Variants in ITGA1 observed in about 807,000 individuals in gnomAD.
ITGA1 encodes integrin subunit alpha 1.
A neutral mutation model predicts 145.9 loss-of-function variants in ITGA1; 85 were observed. That is an observed-to-expected ratio of 0.58 (90% CI 0.49 to 0.70). The LOEUF is 0.70. ITGA1 is among the 30% of genes least tolerant of loss of function. ITGA1 has a pLI of 0.00. For missense variants in ITGA1, 1,351 were observed against 1,418.7 expected (o/e 0.95, Z 0.77); for synonymous variants, 520 against 495.3 (o/e 1.05, Z -0.66).
At chr5:52,889,726 G>A (rs950828822) in intron 8 of ITGA1, 1 of 152,414 alleles carries the variant, frequency 6.6e-6, no homozygotes, top group Non-Finnish European at 1.5e-5. Flanking sequence ...AAGGGTGCTT[G>A]AGGTCTGTTT....
chr5:52,925,341 G>T lies in ITGA1; in HGVS notation c.2467G>T (p.Ala823Ser). 1 of 1,613,970 alleles carries T rather than the reference G, an allele frequency of 6.2e-7. No homozygotes were observed. The highest frequency in any genetic ancestry group is 1.1e-5 in the South Asian group (1 of 91,084). Reference sequence around the variant, plus strand: ...TATCTCAGACCTCAGCCTGCATGTCGCCACCACTGAAAAGGACCTGCTGAT... The same window carrying T: ...TATCTCAGACCTCAGCCTGCATGTCTCCACCACTGAAAAGGACCTGCTGAT... ...KCISDLSLHVATTEKDLLIVR... is the reference protein window; with the variant it reads ...KCISDLSLHVSTTEKDLLIVR... The change falls in exon 19 of 29, where the codon GCC becomes TCC. Residue 823 changes from alanine (A) to serine (S), a missense_variant. By Grantham distance (99) the Ala-to-Ser change is moderately conservative. Transcript: ENST00000282588.
At chr5:52,811,004 A>G (rs529786910) in intron 1 of ITGA1, among the ~76,000 whole-genome samples, 1 of 152,374 alleles carries the variant, frequency 6.6e-6, no homozygotes, top group East Asian at 1.9e-4. Context: ...TGTGAGGATC[A>G]ATAAAGTAGC....
intron 8 of ITGA1, among the ~76,000 whole-genome samples, chr5:52,893,376 C>A (rs562714035): frequency 2.6e-5 from 4 of 152,126 alleles, no homozygotes; most frequent in African/African-American, 9.7e-5. Flanking sequence ...TACTTTTGAA[C>A]TGTCAGATTT....
In ITGA1 at chr5:52,955,886, A is replaced by C. The variant is rs1043646965; in HGVS notation, c.*3435A>C. 3 of 152,090 alleles carry C rather than the reference A, an allele frequency of 2.0e-5. No homozygotes were observed. Among genetic ancestry groups the C allele is most frequent in the Non-Finnish European group, 4.4e-5 (3 of 68,016 alleles). The allele number at this position is 152,090 out of a possible 1,614,324, so 9.4% of individuals were successfully genotyped here. A position where few individuals can be genotyped will look rare whatever the true frequency, so the allele number is the denominator to read the frequency against. ...GCTTGTAGTAAACAGATATTTTTAC[A>C]AAATTTGATGCTTCTGCAACCATAA... is the stretch of plus-strand genomic sequence containing the variant. On this transcript the variant is annotated 3_prime_UTR_variant, in exon 29 of 29. Transcript: ENST00000282588.
intron 1 of ITGA1, among the ~76,000 whole-genome samples, chr5:52,812,791 T>C (rs1748703132): frequency 4.3e-5 from 1 of 23,316 alleles, no homozygotes; most frequent in Admixed American, 2.9e-4. Flanking sequence ...TCTTATCGCT[T>C]TTTTTTTTTT....
chr5:52,950,758 C>A (rs1160271288), intron 28 of ITGA1, among the ~76,000 whole-genome samples: 1 of 152,070 alleles, frequency 6.6e-6, no homozygotes, highest in Non-Finnish European at 1.5e-5. Flanking sequence ...AGCCAAGGAG[C>A]ATTGTAAAGA....
intron 15 of ITGA1, 109 bp from the exon 16 acceptor site, chr5:52,918,623 A>G (rs938049901): frequency 3.2e-5 from 31 of 980,678 alleles, no homozygotes; most frequent in Non-Finnish European, 4.6e-5. Flanking sequence ...TGAGCGCTGT[A>G]TTATACATGA....
intron 3 of ITGA1, 139 bp downstream of exon 3, chr5:52,861,698 T>G: frequency 1.6e-6 from 1 of 612,234 alleles, no homozygotes; most frequent in Non-Finnish European, 2.9e-6. Flanking sequence ...TGACGAAACC[T>G]CATCTCTACA....
chr5:52,891,207 C>A (rs12522114), intron 8 of ITGA1, among the ~76,000 whole-genome samples: 36,344 of 149,824 alleles, frequency 0.24, 4,510 homozygotes, highest in South Asian at 0.34. Flanking sequence ...GCAGATATTT[C>A]TTCAATATAC....
At chr5:52,938,212 ACTT>A (rs924361619) in intron 24 of ITGA1, among the ~76,000 whole-genome samples, 36 of 152,272 alleles carry the variant, frequency 2.4e-4, no homozygotes, top group African/African-American at 7.0e-4. Context: ...CTATAAAGTG[ACTT>A]CTTAATTGTA....
chr5:52,919,288 C>G (rs1194462897), intron 16 of ITGA1, among the ~76,000 whole-genome samples: 2 of 152,122 alleles, frequency 1.3e-5, no homozygotes, highest in East Asian at 3.9e-4. Context: ...CTTCTCTTGC[C>G]CCCTCTTGGG....
chr5:52,790,001 T>C (rs982681550), intron 1 of ITGA1, among the ~76,000 whole-genome samples: 2 of 152,224 alleles, frequency 1.3e-5, no homozygotes, highest in Middle Eastern at 3.2e-3. Context: ...TTTATGCCCA[T>C]TTCGCAACAC....
At position 52,929,705 on chromosome 5, in the gene ITGA1, G is replaced by T; in HGVS notation, c.2771+4G>T. On this transcript the variant is annotated splice_donor_region_variant and intron_variant, in intron 21 of 28. Transcript: ENST00000282588. Reference sequence around the variant, plus strand: ...CCATTTATTTAAGTGCAACAAGGTTGGTTTACATGTGTATAAATGTATGTA... The same window carrying T: ...CCATTTATTTAAGTGCAACAAGGTTTGTTTACATGTGTATAAATGTATGTA... The T allele has an allele frequency of 6.5e-7, 1 of 1,528,318 alleles. No individual in the cohort carries two copies. Among genetic ancestry groups the T allele is most frequent in the Non-Finnish European group, 9.0e-7 (1 of 1,107,360 alleles). The allele number at this position is 1,528,318 out of a possible 1,614,324, so 94.7% of individuals were successfully genotyped here.
intron 12 of ITGA1, among the ~76,000 whole-genome samples, chr5:52,907,377 C>T (rs1579710900): frequency 6.6e-6 from 1 of 152,048 alleles, no homozygotes; most frequent in South Asian, 2.1e-4. Flanking sequence ...AGGAAGTTGA[C>T]AATAGTAAAA....
rs746739509 is a variant in ITGA1 at position 52,899,827 on chromosome 5, TA to T, written c.1309+1446del. 1.4e-4 allele frequency among the ~76,000 whole-genome samples: 21 copies of T among 152,322 alleles called. No homozygotes were observed. The South Asian group carries it at 2.3e-3, about 17-fold the overall frequency. On this transcript the variant is annotated intron_variant, in intron 11 of 28. Coordinates refer to ENST00000282588, the MANE Select transcript of ITGA1 (RefSeq NM_181501.2). ...AGAGATCCTATGGAGCATGTAGTCTTAATTTCCAATCAAGAAACTGAGAGAT... is the reference window on the plus strand; with the variant it reads ...AGAGATCCTATGGAGCATGTAGTCTTATTTCCAATCAAGAAACTGAGAGAT...
Position 52,803,798 on chromosome 5 carries a change from C to T in ITGA1, c.61+15384C>T, listed in dbSNP as rs191497678. The T allele has an allele frequency of 5.3e-5, 8 of 152,190 alleles. No individual in the cohort carries two copies. In the East Asian group the frequency reaches 1.4e-3, roughly 26 times the overall value. The allele number at this position is 152,190 out of a possible 1,614,324, so 9.4% of individuals were successfully genotyped here. A position where few individuals can be genotyped will look rare whatever the true frequency, so the allele number is the denominator to read the frequency against. ...TCTTTTGTAGACCTACTGAGACAGGCGCTACCTGTACCAACATCTCTAGAT... is the reference window on the plus strand; with the variant it reads ...TCTTTTGTAGACCTACTGAGACAGGTGCTACCTGTACCAACATCTCTAGAT... On this transcript the variant is annotated intron_variant, in intron 1 of 28. Transcript: ENST00000282588.
chr5:52,952,186 C>CA (rs541608561), intron 28 of ITGA1, among the ~76,000 whole-genome samples: 161 of 130,974 alleles, frequency 1.2e-3, no homozygotes, highest in African/African-American at 2.4e-3. Flanking sequence ...GAGACTGTCT[C>CA]AAAAAAAAAA....
At chr5:52,940,121 T>A (rs1227729394) in intron 26 of ITGA1, among the ~76,000 whole-genome samples, 177 bp downstream of exon 26, 1 of 152,208 alleles carries the variant, frequency 6.6e-6, no homozygotes, top group Non-Finnish European at 1.5e-5. Flanking sequence ...ATCTTCCTTG[T>A]CTGTTAAGAA....
chr5:52,849,036 A>G (rs943507150), intron 1 of ITGA1, among the ~76,000 whole-genome samples: 1 of 152,172 alleles, frequency 6.6e-6, no homozygotes, highest in Non-Finnish European at 1.5e-5. Flanking sequence ...CACAATAGAC[A>G]TACGTGTGCA....
Sources: allele counts gnomAD v4.1 joint callset (sites outside exome capture counted in the v4.1 genomes callset), GRCh38; gene constraint gnomAD v4.1.1; transcripts MANE v1.5; gene names NCBI Gene and HGNC (gene_info 2026-07-23, HGNC 2026-07-21).